The following AK5 variants were observed in gnomAD, a reference collection of about 807,000 sequenced individuals.
AK5 encodes adenylate kinase 5, also known as adenylate kinase isoenzyme 5.
AK5 carries 27 observed loss-of-function variants against 69.5 expected under a neutral mutation model. The ratio of observed to expected loss-of-function variants is 0.39; its 90% confidence interval spans 0.29 to 0.54. The LOEUF is 0.54. AK5 is among the 20% of genes least tolerant of loss of function. AK5 has a pLI of 0.71. For synonymous variants in AK5, 260 were observed against 244.4 expected (o/e 1.06, Z -0.60); for missense variants, 531 against 700.4 (o/e 0.76, Z 2.73).
chr1:77,528,505 A>G (rs529781959), intron 12 of AK5, among the ~76,000 whole-genome samples: 34 of 152,326 alleles, frequency 2.2e-4, no homozygotes, highest in Middle Eastern at 3.4e-3. Flanking sequence ...TTCCTTGGAC[A>G]CTGCATATGA....
chr1:77,444,946 C>T (rs1652654250), intron 8 of AK5, among the ~76,000 whole-genome samples: 1 of 151,928 alleles, frequency 6.6e-6, no homozygotes, highest in Admixed American at 6.6e-5. Flanking sequence ...CTGTGTCTGG[C>T]TTATTTCACT....
intron 6 of AK5, among the ~76,000 whole-genome samples, chr1:77,361,969 G>T (rs980939346): frequency 1.3e-5 from 2 of 152,192 alleles, no homozygotes; most frequent in African/African-American, 4.8e-5. Context: ...TGGCATCTTG[G>T]GTAGGTAACT....
intron 10 of AK5, among the ~76,000 whole-genome samples, chr1:77,507,048 C>T (rs552428170): frequency 1.2e-4 from 19 of 152,114 alleles, no homozygotes; most frequent in Middle Eastern, 3.4e-3. Flanking sequence ...ATAAGGTTGC[C>T]AGATTTAACA....
At chr1:77,512,353 C>A (rs891561283) in intron 10 of AK5, among the ~76,000 whole-genome samples, 132 of 152,136 alleles carry the variant, frequency 8.7e-4, no homozygotes, top group African/African-American at 3.2e-3. Flanking sequence ...AAATTCATTA[C>A]TGACTTTGGA....
chr1:77,531,858 G>C (rs1333345110), intron 12 of AK5, among the ~76,000 whole-genome samples: 1 of 151,990 alleles, frequency 6.6e-6, no homozygotes, highest in Non-Finnish European at 1.5e-5. Context: ...GGGAGGTGGG[G>C]GGGAAGGCTC....
chr1:77,324,755 T>A (rs1660709937), intron 5 of AK5, among the ~76,000 whole-genome samples: 1 of 151,614 alleles, frequency 6.6e-6, no homozygotes, highest in South Asian at 2.1e-4. Flanking sequence ...TAAAGGGGCA[T>A]GAGGCGAGAT....
intron 6 of AK5, among the ~76,000 whole-genome samples, chr1:77,396,090 T>C (rs917518456): frequency 1.3e-5 from 2 of 152,222 alleles, no homozygotes; most frequent in Non-Finnish European, 2.9e-5. Flanking sequence ...TGGCAGGTAA[T>C]CTCTTTTTCT....
Position 77,287,022 on chromosome 1 carries a change from C to G in AK5, c.142C>G (p.Leu48Val). ...LESCLQKVKE[L>V]GGCDKVKWDT... ...AAGTTGTTTACAAAAAGTAAAGGAA[C>G]TGGGTGGCTGTGACAAGGTGAAATG... The change falls in exon 2 of 14, where the codon CTG becomes GTG. Residue 48 changes from leucine to valine, a missense_variant. Coordinates refer to ENST00000354567, the MANE Select transcript of AK5 (RefSeq NM_174858.3). 1 of 1,609,344 alleles carries G rather than the reference C, an allele frequency of 6.2e-7. No individual in the cohort carries two copies.
At chr1:77,387,399 C>A (rs968748069) in intron 6 of AK5, among the ~76,000 whole-genome samples, 7 of 152,084 alleles carry the variant, frequency 4.6e-5, no homozygotes, top group Admixed American at 3.9e-4. Context: ...TATTATTTTA[C>A]CCTAATTGTC....
rs191693728 is a variant in AK5 at position 77,559,110 on chromosome 1, G to A, written c.*440G>A. The A allele has an allele frequency of 6.5e-6, 1 of 153,738 alleles. No individual in the cohort carries two copies. Among genetic ancestry groups the A allele is most frequent in the Admixed American group, 6.5e-5 (1 of 15,442 alleles). 9.5% of individuals were successfully genotyped at this position (153,738 alleles called of 1,614,324 possible). On this transcript the variant is annotated 3_prime_UTR_variant, in exon 14 of 14. Transcript: ENST00000354567. ...TTCCCCAATGGAGGCCCCTGGCATAGGGGACAGCCCTGGGCATCTTCCTTT... is the reference window on the plus strand; with the variant it reads ...TTCCCCAATGGAGGCCCCTGGCATAAGGGACAGCCCTGGGCATCTTCCTTT...
intron 6 of AK5, among the ~76,000 whole-genome samples, chr1:77,385,152 TTTTTG>T (rs1355869008): frequency 2.0e-5 from 3 of 151,938 alleles, no homozygotes; most frequent in Non-Finnish European, 2.9e-5. Flanking sequence ...TGTTTTTTTG[TTTTTG>T]TTTTGTTTTG....
chr1:77,509,340 G>A (rs1042293007), intron 10 of AK5, among the ~76,000 whole-genome samples: 1 of 152,162 alleles, frequency 6.6e-6, no homozygotes, highest in East Asian at 1.9e-4. Flanking sequence ...TAATAAAGAT[G>A]TTGTCTTTGA....
intron 5 of AK5, among the ~76,000 whole-genome samples, chr1:77,306,497 T>TG (rs1659648330): frequency 1.0e-5 from 1 of 99,798 alleles, no homozygotes; most frequent in African/African-American, 3.9e-5. Context: ...TTTTTTTGTT[T>TG]TTTTTTTTTT....
At chr1:77,282,505 C>A (rs1352481542) in intron 1 of AK5, 132 bp downstream of exon 1, 2 of 1,384,240 alleles carry the variant, frequency 1.4e-6, no homozygotes, top group Non-Finnish European at 1.9e-6. Context: ...GAAGCGCACT[C>A]GCCCGCTCCC....
At chr1:77,398,877 G>A (rs1649006768) in intron 6 of AK5, among the ~76,000 whole-genome samples, 1 of 151,910 alleles carries the variant, frequency 6.6e-6, no homozygotes, top group Non-Finnish European at 1.5e-5. Flanking sequence ...TCCTGTAGGT[G>A]GTATACGAGA....
chr1:77,440,475 T>G (rs1652255563), intron 8 of AK5, among the ~76,000 whole-genome samples: 1 of 152,164 alleles, frequency 6.6e-6, no homozygotes, highest in African/African-American at 2.4e-5. Flanking sequence ...TTGAATCTGT[T>G]TGGGGACTTT....
chr1:77,295,580 CACTT>C lies in AK5; in HGVS notation c.415+1622_415+1625del, dbSNP rs1468512512. ...AGTCCTTACATAGAAGACAAGGAAA[CACTT>C]AAATAAATGATAGAACTACAGATGA... On this transcript the variant is annotated intron_variant, in intron 3 of 13. Transcript: ENST00000354567. 2.6e-5 allele frequency among the ~76,000 whole-genome samples: 4 copies of C among 152,050 alleles called. No homozygotes were observed. In the South Asian group the frequency reaches 6.2e-4, roughly 24 times the overall value.
intron 12 of AK5, among the ~76,000 whole-genome samples, chr1:77,529,834 T>C (rs1658483865): frequency 6.6e-6 from 1 of 152,194 alleles, no homozygotes; most frequent in South Asian, 2.1e-4. Flanking sequence ...TTAATGGAAG[T>C]CATATTAACA....
At position 77,293,013 on chromosome 1, in the gene AK5, A is replaced by G. The variant is rs1658777580; in HGVS notation, c.248-780A>G. Among the ~76,000 whole-genome samples the G allele has an allele frequency of 2.0e-5, 3 of 152,344 alleles. No homozygotes were observed. In the South Asian group the frequency reaches 6.2e-4, roughly 32 times the overall value. The stretch of plus-strand genomic sequence containing the variant: ...TAACACACTAACGTATTGGCATGTT[A>G]TAAACGGCAACAAATAGCAAATATT... On this transcript the variant is annotated intron_variant, in intron 2 of 13. Transcript: ENST00000354567.
Sources: allele counts gnomAD v4.1 joint callset (sites outside exome capture counted in the v4.1 genomes callset), GRCh38; gene constraint gnomAD v4.1.1; transcripts MANE v1.5; gene names NCBI Gene and HGNC (gene_info 2026-07-23, HGNC 2026-07-21).